Variants in ZDHHC21 observed in about 807,000 individuals in gnomAD.
The protein encoded by ZDHHC21 is palmitoyltransferase ZDHHC21.
ZDHHC21 carries 15 observed loss-of-function variants against 34.6 expected under a neutral mutation model. The observed-to-expected ratio is 0.43, with a 90% CI of 0.29 to 0.67. ZDHHC21 has a LOEUF of 0.67. Ranked by LOEUF, ZDHHC21 falls within the 30% of genes least tolerant of loss-of-function variation. ZDHHC21 has a pLI of 0.14. For missense variants in ZDHHC21, 344 were observed against 327.7 expected (o/e 1.05, Z -0.38); for synonymous variants, 142 against 101.8 (o/e 1.40, Z -2.38).
At chr9:14,640,074 A>G in intron 7 of ZDHHC21, 62 bp from the exon 8 acceptor site, 1 of 865,366 alleles carries the variant, frequency 1.2e-6, no homozygotes, top group Non-Finnish European at 1.8e-6. Flanking sequence ...TACAGTCGCA[A>G]TAATAATCAA....
intron 5 of ZDHHC21, among the ~76,000 whole-genome samples, chr9:14,670,046 A>G (rs1401411417): frequency 6.6e-6 from 1 of 152,034 alleles, no homozygotes; most frequent in African/African-American, 2.4e-5. Flanking sequence ...AAACAAACAA[A>G]AAAACTTTGA....
intron 1 of ZDHHC21, among the ~76,000 whole-genome samples, chr9:14,692,982 A>G (rs534455424): frequency 6.6e-6 from 1 of 151,952 alleles, no homozygotes; most frequent in Non-Finnish European, 1.5e-5. Context: ...AGCACTTAGC[A>G]AGGGGCTGTA....
chr9:14,643,615 A>G (rs1045031234), intron 7 of ZDHHC21, among the ~76,000 whole-genome samples: 8 of 152,276 alleles, frequency 5.3e-5, no homozygotes, highest in Non-Finnish European at 2.9e-5. Context: ...GCATTCTCCT[A>G]TATTATCTTG....
At chr9:14,656,560 C>G (rs1028815165) in intron 7 of ZDHHC21, among the ~76,000 whole-genome samples, 1 of 152,016 alleles carries the variant, frequency 6.6e-6, no homozygotes, top group East Asian at 1.9e-4. Context: ...ATAACATAAT[C>G]TGAGTTTTCA....
chr9:14,687,527 C>G (rs1289381522), intron 2 of ZDHHC21, among the ~76,000 whole-genome samples: 1 of 150,506 alleles, frequency 6.6e-6, no homozygotes, highest in East Asian at 1.9e-4. Context: ...AACAATTAGC[C>G]AGGCATAGTG....
intron 7 of ZDHHC21, among the ~76,000 whole-genome samples, chr9:14,643,933 A>G (rs1185972631): frequency 6.6e-6 from 1 of 152,206 alleles, no homozygotes; most frequent in Non-Finnish European, 1.5e-5. Flanking sequence ...CTGGTAGGCC[A>G]TGTCATCCCA....
rs756208880 is a variant in ZDHHC21, at chr9:14,614,391, T to G, written c.*4575A>C. 6.6e-6 allele frequency: 1 copy of G among 151,894 alleles called. No homozygotes were observed. The highest frequency in any genetic ancestry group is 2.1e-4 in the South Asian group (1 of 4,820). 9.4% of individuals were successfully genotyped at this position (151,894 alleles called of 1,614,324 possible). A position where few individuals can be genotyped will look rare whatever the true frequency, so the allele number is the denominator to read the frequency against. ...ACTGACAAAGATATAGTGAGTTTTG[T>G]TGCTAAAAATTGCACAATGATAATA... On this transcript the variant is annotated 3_prime_UTR_variant, in exon 10 of 10. Transcript: ENST00000380916.
At chr9:14,599,494 T>A in the ZDHHC21 span, among the ~76,000 whole-genome samples, 2 of 151,858 alleles carry the variant, frequency 1.3e-5, no homozygotes, top group Admixed American at 1.3e-4. Flanking sequence ...ACCAGGGCCC[T>A]GGGTTTCAAG....
At chr9:14,619,539 C>G (rs1169411829) in intron 9 of ZDHHC21, 100 bp downstream of exon 9, 8 of 992,476 alleles carry the variant, frequency 8.1e-6, no homozygotes, top group Non-Finnish European at 1.5e-6. Flanking sequence ...CAAGAAAAAG[C>G]CATCATTATA....
chr9:14,650,597 T>G (rs2133828783), intron 7 of ZDHHC21, among the ~76,000 whole-genome samples: 1 of 152,142 alleles, frequency 6.6e-6, no homozygotes, highest in South Asian at 2.1e-4. Flanking sequence ...ACAAAAAGAT[T>G]AAAATAAATT....
intron 8 of ZDHHC21, among the ~76,000 whole-genome samples, chr9:14,635,897 C>G (rs1260545873): frequency 2.0e-5 from 3 of 151,986 alleles, no homozygotes; most frequent in Non-Finnish European, 4.4e-5. Flanking sequence ...AACCCACTGG[C>G]AGAGCAAACA....
In ZDHHC21 at chr9:14,617,156, T is replaced by C. The variant is rs1309550791; in HGVS notation, c.*1810A>G. 1 of 151,986 alleles carries C rather than the reference T, an allele frequency of 6.6e-6. No homozygotes were observed. The allele number at this position is 151,986 out of a possible 1,614,324, so 9.4% of individuals were successfully genotyped here. ...TGTCACCAGGCCAAATGTGGCCAAA[T>C]TAGCTTGCACAAAATCCAAACCCTT... On this transcript the variant is annotated 3_prime_UTR_variant, in exon 10 of 10. Transcript: ENST00000380916.
the ZDHHC21 span, among the ~76,000 whole-genome samples, chr9:14,594,768 A>C: frequency 1.3e-5 from 2 of 152,206 alleles, no homozygotes; most frequent in Non-Finnish European, 2.9e-5. Flanking sequence ...AAACTAAAAG[A>C]AAATATTTGC....
chr9:14,640,164 TATAA>T (rs1404514915), intron 7 of ZDHHC21, 152 bp from the exon 8 acceptor site: 2 of 447,134 alleles, frequency 4.5e-6, no homozygotes, highest in Non-Finnish European at 7.9e-6. Context: ...GAAATCAATG[TATAA>T]ATATTTTAAA....
At position 14,640,307 on chromosome 9, in the gene ZDHHC21, GGA is replaced by G. The variant is rs371614647; in HGVS notation, c.505-297_505-296del. Among the ~76,000 whole-genome samples the G allele has an allele frequency of 6.0e-3, 757 of 125,688 alleles. 4 individuals carry two copies. The highest frequency in any genetic ancestry group is 0.017 in the African/African-American group (565 of 34,230). 82.5% of individuals were successfully genotyped at this position (125,688 alleles called of 152,430 possible). A position where few individuals can be genotyped will look rare whatever the true frequency, so the allele number is the denominator to read the frequency against. On this transcript the variant is annotated intron_variant, in intron 7 of 9. Transcript: ENST00000380916. ...TGTTTGTTTTTTGAACCTATTTTGG[GGA>G]AAAAAAAAAAAAAAAAGAAAGAAAG...
chr9:14,593,911 C>T, the ZDHHC21 span: 4 of 152,250 alleles, frequency 2.6e-5, no homozygotes, highest in African/African-American at 7.2e-5. Context: ...CCCTGAGCCA[C>T]TAACTGGGAG....
intron 7 of ZDHHC21, among the ~76,000 whole-genome samples, chr9:14,658,474 T>TTTC (rs1832710441): frequency 8.4e-6 from 1 of 119,426 alleles, no homozygotes; most frequent in Non-Finnish European, 1.7e-5. Context: ...CTTTTTTTTT[T>TTTC]TTTTTTTTTT....
rs1824161853 is a variant in ZDHHC21, at chr9:14,616,381, A to C, written c.*2585T>G. On this transcript the variant is annotated 3_prime_UTR_variant, in exon 10 of 10. Transcript: ENST00000380916. ...ATGGGAACGTACATAAATGAAGCAAAGCAGTCATCACATTCTTATGAACTA... is the reference window on the plus strand; with the variant it reads ...ATGGGAACGTACATAAATGAAGCAACGCAGTCATCACATTCTTATGAACTA... 1 of 151,864 alleles carries C rather than the reference A, an allele frequency of 6.6e-6. No homozygotes were observed. Among genetic ancestry groups the C allele is most frequent in the African/African-American group, 2.4e-5 (1 of 41,430 alleles). 9.4% of individuals were successfully genotyped at this position (151,864 alleles called of 1,614,324 possible).
chr9:14,662,761 A>AG (rs1401868969), intron 5 of ZDHHC21, among the ~76,000 whole-genome samples: 1 of 152,222 alleles, frequency 6.6e-6, no homozygotes, highest in East Asian at 1.9e-4. Context: ...TCAATTGATT[A>AG]GTAAACTGAA....
Sources: gnomAD v4.1 joint callset for allele counts (sites outside exome capture counted in the v4.1 genomes callset) on GRCh38, gnomAD v4.1.1 for gene constraint, MANE v1.5 for transcripts, NCBI Gene and HGNC (gene_info 2026-07-23, HGNC 2026-07-21) for gene names.